Variants in RPS6KC1 observed in about 807,000 individuals in gnomAD.
RPS6KC1 encodes the protein ribosomal protein S6 kinase C1.
A neutral mutation model predicts 103.8 loss-of-function variants in RPS6KC1; 54 were observed. That is an observed-to-expected ratio of 0.52 (90% CI 0.42 to 0.65). RPS6KC1 has a LOEUF of 0.65. Among genes scored for constraint, RPS6KC1 ranks in the 30% least tolerant of loss-of-function variants. RPS6KC1 has a pLI of 0.00. For synonymous variants in RPS6KC1, 439 were observed against 438.7 expected, an observed-to-expected ratio of 1.00 and a Z score of -0.01; for missense variants, 1,151 against 1,253.8, an observed-to-expected ratio of 0.92 and a Z score of 1.24.
the RPS6KC1 span, among the ~76,000 whole-genome samples, chr1:213,789,039 C>T: frequency 6.6e-6 from 1 of 152,228 alleles, no homozygotes; most frequent in African/African-American, 2.4e-5. Context: ...CGGCCAGGCT[C>T]CTGACAGCCA....
chr1:213,300,460 C>T, the RPS6KC1 span, among the ~76,000 whole-genome samples: 3 of 152,174 alleles, frequency 2.0e-5, no homozygotes, highest in Non-Finnish European at 2.9e-5. Flanking sequence ...TTGGAAAATG[C>T]AACCTGCCAC....
chr1:213,110,591 C>G (rs549060818), intron 4 of RPS6KC1, among the ~76,000 whole-genome samples: 1 of 152,326 alleles, frequency 6.6e-6, no homozygotes, highest in East Asian at 1.9e-4. Context: ...GCTTAAACAC[C>G]TGTGCCATTA....
chr1:213,761,961 C>T, the RPS6KC1 span, among the ~76,000 whole-genome samples: 3 of 148,870 alleles, frequency 2.0e-5, no homozygotes, highest in East Asian at 2.0e-4. Context: ...TAAAGTGAGA[C>T]GAAAATGATT....
chr1:213,767,919 G>T, the RPS6KC1 span, among the ~76,000 whole-genome samples: 1 of 152,114 alleles, frequency 6.6e-6, no homozygotes, highest in Non-Finnish European at 1.5e-5. Context: ...TACTGGTCAC[G>T]CCGCAAGCAT....
the RPS6KC1 span, among the ~76,000 whole-genome samples, chr1:213,385,301 C>T: frequency 6.6e-6 from 1 of 152,110 alleles, no homozygotes; most frequent in Non-Finnish European, 1.5e-5. Flanking sequence ...ACAACATCCT[C>T]AGGAGGTTGG....
chr1:213,674,281 A>T, the RPS6KC1 span, among the ~76,000 whole-genome samples: 1 of 152,114 alleles, frequency 6.6e-6, no homozygotes, highest in Non-Finnish European at 1.5e-5. Flanking sequence ...AGCCTCCCAA[A>T]GTCCTAGGAT....
At chr1:213,687,130 G>A in the RPS6KC1 span, among the ~76,000 whole-genome samples, 1 of 152,186 alleles carries the variant, frequency 6.6e-6, no homozygotes, top group Non-Finnish European at 1.5e-5. Context: ...TATCAACGAA[G>A]CCTTTGTGAC....
chr1:213,213,777 ATAT>A (rs1225817851), intron 8 of RPS6KC1, among the ~76,000 whole-genome samples: 1 of 152,176 alleles, frequency 6.6e-6, no homozygotes, highest in Non-Finnish European at 1.5e-5. Context: ...TCTTTTTCTA[ATAT>A]TATTCATAAT....
chr1:213,645,854 C>T, the RPS6KC1 span, among the ~76,000 whole-genome samples: 1 of 152,168 alleles, frequency 6.6e-6, no homozygotes. Flanking sequence ...ACCCGCTGCT[C>T]CAGCTTCTGG....
the RPS6KC1 span, among the ~76,000 whole-genome samples, chr1:213,510,189 T>C: frequency 5.3e-5 from 8 of 152,320 alleles, no homozygotes; most frequent in South Asian, 2.1e-4. Context: ...CATGCTCTGT[T>C]GTCTCCTAAG....
At chr1:213,738,068 C>T in the RPS6KC1 span, among the ~76,000 whole-genome samples, 1 of 152,164 alleles carries the variant, frequency 6.6e-6, no homozygotes, top group South Asian at 2.1e-4. Flanking sequence ...GGCCTCACTT[C>T]CCCAAAGTCT....
chr1:213,230,151 A>AT (rs919756287), intron 8 of RPS6KC1, among the ~76,000 whole-genome samples: 2 of 152,042 alleles, frequency 1.3e-5, no homozygotes. Context: ...GACTTGAACA[A>AT]TTTTTTTTGA....
At chr1:213,110,238 C>T (rs2082896316) in intron 4 of RPS6KC1, among the ~76,000 whole-genome samples, 1 of 152,120 alleles carries the variant, frequency 6.6e-6, no homozygotes, top group Non-Finnish European at 1.5e-5. Context: ...TGGTTACCTC[C>T]CATGTTTGGG....
chr1:213,733,544 G>GTTTT, the RPS6KC1 span, among the ~76,000 whole-genome samples: 996 of 100,138 alleles, frequency 9.9e-3, 24 homozygotes, highest in African/African-American at 0.038. Flanking sequence ...GCTATTTTTA[G>GTTTT]TTTGTTTTTT....
chr1:213,825,972 T>C, the RPS6KC1 span, among the ~76,000 whole-genome samples: 8 of 152,218 alleles, frequency 5.3e-5, no homozygotes, highest in African/African-American at 1.9e-4. Flanking sequence ...TAATTGTATA[T>C]TAATTTCATT....
At chr1:213,293,849 T>G in the RPS6KC1 span, among the ~76,000 whole-genome samples, 1 of 152,234 alleles carries the variant, frequency 6.6e-6, no homozygotes, top group African/African-American at 2.4e-5. Context: ...TAATGCATCC[T>G]TCTTCTTTTT....
rs1352918986 is a variant in RPS6KC1 at position 213,067,971 on chromosome 1, A to G, written c.106-3035A>G. ...CTAAGAAATAAGTTATTCTGTCTCA[A>G]AAAGATCATTTGCTTATATTAAGGA... On this transcript the variant is annotated intron_variant, in intron 1 of 14. Coordinates refer to ENST00000366960, the MANE Select transcript of RPS6KC1 (RefSeq NM_012424.6). 3.9e-5 allele frequency among the ~76,000 whole-genome samples: 6 copies of G among 152,344 alleles called. No homozygotes were observed. The East Asian group carries it at 1.2e-3, about 29-fold the overall frequency.
chr1:213,284,266 C>G, the RPS6KC1 span, among the ~76,000 whole-genome samples: 1 of 152,038 alleles, frequency 6.6e-6, no homozygotes, highest in Non-Finnish European at 1.5e-5. Flanking sequence ...CCTGTAATAC[C>G]AACACTTTGG....
the RPS6KC1 span, among the ~76,000 whole-genome samples, chr1:213,761,569 G>A: frequency 6.6e-6 from 1 of 152,212 alleles, no homozygotes; most frequent in Non-Finnish European, 1.5e-5. Flanking sequence ...AGTGATGACT[G>A]CACTGTCCAC....
Sources: allele counts gnomAD v4.1 joint callset (sites outside exome capture counted in the v4.1 genomes callset), GRCh38; gene constraint gnomAD v4.1.1; transcripts MANE v1.5; gene names NCBI Gene and HGNC (gene_info 2026-07-23, HGNC 2026-07-21).